KHDRBS2: variants seen among roughly 807,000 people sequenced by gnomAD.
KHDRBS2 encodes KH domain-containing, RNA-binding, signal transduction-associated protein 2.
Under a neutral mutation model 44.3 loss-of-function variants are expected in KHDRBS2, and 26 were observed. That is an observed-to-expected ratio of 0.59 (90% CI 0.43 to 0.81). The LOEUF (loss-of-function observed/expected upper bound fraction) is 0.81, where lower values mean the gene tolerates loss of function less well. KHDRBS2 is among the 40% of genes least tolerant of loss of function. KHDRBS2 has a pLI of 0.00. For synonymous variants in KHDRBS2, 194 were observed against 151.1 expected, an observed-to-expected ratio of 1.28 and a Z score of -2.08; for missense variants, 476 against 433.1, an observed-to-expected ratio of 1.10 and a Z score of -0.88.
At chr6:62,072,261 T>C (rs1795305493) in intron 2 of KHDRBS2, among the ~76,000 whole-genome samples, 2 of 152,236 alleles carry the variant, frequency 1.3e-5, no homozygotes, top group African/African-American at 4.8e-5. Context: ...TGGGGTTTTC[T>C]AGATATACAA....
chr6:61,586,975 A>G, the KHDRBS2 span, among the ~76,000 whole-genome samples: 1 of 152,196 alleles, frequency 6.6e-6, no homozygotes, highest in Non-Finnish European at 1.5e-5. Context: ...TTCTTTGTGC[A>G]TAAAGATACC....
chr6:62,260,144 C>T (rs1838102562), intron 1 of KHDRBS2, among the ~76,000 whole-genome samples: 2 of 151,910 alleles, frequency 1.3e-5, no homozygotes, highest in African/African-American at 4.8e-5. Context: ...GAAGGTAATA[C>T]TAATATTTAT....
At chr6:62,041,954 T>C (rs1245865284) in intron 3 of KHDRBS2, among the ~76,000 whole-genome samples, 2 of 152,070 alleles carry the variant, frequency 1.3e-5, no homozygotes, top group Non-Finnish European at 2.9e-5. Context: ...AAGATGAAGA[T>C]GCTAATTTGA....
chr6:61,819,786 G>A (rs368981244), intron 6 of KHDRBS2, among the ~76,000 whole-genome samples: 49 of 152,146 alleles, frequency 3.2e-4, no homozygotes, highest in African/African-American at 1.2e-3. Flanking sequence ...TAGGCAGGCA[G>A]ATGAGGCAAG....
intron 6 of KHDRBS2, among the ~76,000 whole-genome samples, chr6:61,892,009 C>G (rs1271816284): frequency 5.3e-5 from 8 of 152,204 alleles, no homozygotes; most frequent in Admixed American, 2.0e-4. Context: ...ACCCCATTGT[C>G]TCAGTCCAAA....
intron 7 of KHDRBS2, among the ~76,000 whole-genome samples, chr6:61,699,812 C>T (rs774649609): frequency 7.2e-5 from 11 of 151,786 alleles, no homozygotes; most frequent in African/African-American, 9.7e-5. Context: ...GTAAAGAAGC[C>T]GAAAAAATGA....
intron 6 of KHDRBS2, among the ~76,000 whole-genome samples, chr6:61,773,747 C>T (rs912554052): frequency 5.3e-5 from 8 of 151,518 alleles, no homozygotes; most frequent in East Asian, 1.9e-4. Context: ...GTAATGCCTA[C>T]GTTTTCTTCT....
At chr6:61,851,003 C>A (rs960649524) in intron 6 of KHDRBS2, among the ~76,000 whole-genome samples, 60 of 152,092 alleles carry the variant, frequency 3.9e-4, no homozygotes, top group African/African-American at 1.4e-3. Context: ...TCACCTGGTA[C>A]CCTTGCCTCA....
intron 2 of KHDRBS2, among the ~76,000 whole-genome samples, chr6:62,129,330 T>C (rs1414130524): frequency 6.6e-6 from 1 of 152,092 alleles, no homozygotes; most frequent in Non-Finnish European, 1.5e-5. Context: ...GTAAGTACTC[T>C]GACAACATCC....
At chr6:62,202,198 T>C (rs1827134318) in intron 1 of KHDRBS2, among the ~76,000 whole-genome samples, 1 of 152,072 alleles carries the variant, frequency 6.6e-6, no homozygotes, top group Non-Finnish European at 1.5e-5. Context: ...CATTCTCAAA[T>C]ATGTGTAATC....
At chr6:61,942,633 G>T (rs956346953) in intron 4 of KHDRBS2, among the ~76,000 whole-genome samples, 5 of 152,018 alleles carry the variant, frequency 3.3e-5, no homozygotes, top group African/African-American at 1.2e-4. Context: ...TGCAAGGAGA[G>T]AACAAAAGGG....
chr6:61,769,758 G>A (rs993926948), intron 6 of KHDRBS2, among the ~76,000 whole-genome samples: 2 of 152,338 alleles, frequency 1.3e-5, no homozygotes, highest in African/African-American at 4.8e-5. Flanking sequence ...CACCTCTGGG[G>A]GCAGGGCACA....
At chr6:62,255,762 T>C (rs1837297103) in intron 1 of KHDRBS2, among the ~76,000 whole-genome samples, 1 of 151,790 alleles carries the variant, frequency 6.6e-6, no homozygotes. Context: ...ACTACTAGAG[T>C]ACCCCAGGTA....
chr6:61,565,883 T>C, the KHDRBS2 span, among the ~76,000 whole-genome samples: 1 of 149,698 alleles, frequency 6.7e-6, no homozygotes, highest in African/African-American at 2.5e-5. Context: ...AGCAAGGAAA[T>C]CAGTATATTG....
At chr6:61,744,674 T>C (rs1776622072) in intron 6 of KHDRBS2, among the ~76,000 whole-genome samples, 1 of 152,162 alleles carries the variant, frequency 6.6e-6, no homozygotes, top group Non-Finnish European at 1.5e-5. Flanking sequence ...AATGACAATA[T>C]GTGCCTTTAC....
At position 61,844,246 on chromosome 6, in the gene KHDRBS2, A is replaced by G. The variant is rs371686686; in HGVS notation, c.810+50389T>C. On this transcript the variant is annotated intron_variant, in intron 6 of 8. Transcript: ENST00000281156. ...ATAAGCTATTAACTGGCATCATCCA[A>G]CCTCTGTTCCGACCTCTCTAATTTA... Among the ~76,000 whole-genome samples, 19 of 152,226 alleles carry G rather than the reference A, an allele frequency of 1.2e-4. No homozygotes were observed. The East Asian group carries it at 3.5e-3, about 28-fold the overall frequency.
chr6:62,062,003 G>A (rs571576250), intron 2 of KHDRBS2, among the ~76,000 whole-genome samples: 4 of 151,496 alleles, frequency 2.6e-5, no homozygotes, highest in Admixed American at 6.6e-5. Flanking sequence ...CGTAGTTCTC[G>A]AGCCTTGGTT....
chr6:61,995,928 A>G (rs992437757), intron 3 of KHDRBS2, among the ~76,000 whole-genome samples: 5 of 152,214 alleles, frequency 3.3e-5, no homozygotes, highest in African/African-American at 1.2e-4. Context: ...ATTTTAAATG[A>G]AAAATTACTG....
intron 3 of KHDRBS2, among the ~76,000 whole-genome samples, chr6:61,990,300 A>T (rs1775884329): frequency 6.6e-6 from 1 of 152,230 alleles, no homozygotes; most frequent in Non-Finnish European, 1.5e-5. Context: ...AGGAAACATT[A>T]GGGAAGTGGA....
Sources: allele counts gnomAD v4.1 joint callset (sites outside exome capture counted in the v4.1 genomes callset), GRCh38; gene constraint gnomAD v4.1.1; transcripts MANE v1.5; gene names NCBI Gene and HGNC (gene_info 2026-07-23, HGNC 2026-07-21).